The following RFX4 variants were observed in gnomAD, a reference collection of about 807,000 sequenced individuals.
RFX4 encodes transcription factor RFX4.
RFX4 carries 10 observed loss-of-function variants against 95.0 expected under a neutral mutation model. That is an observed-to-expected ratio of 0.11 (90% confidence interval 0.06 to 0.18). RFX4 has a LOEUF of 0.18. RFX4 is among the 10% of genes least tolerant of loss of function. RFX4 has a pLI of 1.00. For missense variants in RFX4, 640 were observed against 922.0 expected, an observed-to-expected ratio of 0.69 and a Z score of 3.96; for synonymous variants, 321 against 340.7, an observed-to-expected ratio of 0.94 and a Z score of 0.64.
intron 4 of RFX4, among the ~76,000 whole-genome samples, chr12:106,655,524 G>A (rs893803307): frequency 6.6e-6 from 1 of 152,182 alleles, no homozygotes; most frequent in Non-Finnish European, 1.5e-5. Context: ...CAGCAGGTGG[G>A]AGAAGGGAGA....
At chr12:106,673,302 C>T (rs1413460901) in intron 4 of RFX4, among the ~76,000 whole-genome samples, 1 of 152,170 alleles carries the variant, frequency 6.6e-6, no homozygotes, top group Non-Finnish European at 1.5e-5. Context: ...GGCAGCTGGT[C>T]ACTCCTGGCT....
In RFX4 at chr12:106,608,645, A is replaced by G. The variant is rs551870096; in HGVS notation, c.44-152A>G. The stretch of plus-strand genomic sequence containing the variant: ...CACATGGAACTCCATGCAAAATCCC[A>G]TTCCAATCTGGGCAGATGCCACATG... On this transcript the variant is annotated intron_variant, in intron 1 of 17. Coordinates refer to ENST00000392842, the MANE Select transcript of RFX4 (RefSeq NM_213594.3). 2.9e-5 allele frequency: 22 copies of G among 746,060 alleles called. No homozygotes were observed. The South Asian group carries it at 4.0e-4, about 13-fold the overall frequency. 46.2% of individuals were successfully genotyped at this position (746,060 alleles called of 1,614,324 possible).
chr12:106,584,787 TGATTCCTAGA>T (rs559261411), intron 1 of RFX4, among the ~76,000 whole-genome samples: 342 of 152,348 alleles, frequency 2.2e-3, no homozygotes, highest in African/African-American at 8.0e-3. Flanking sequence ...TGTCGATCTC[TGATTCCTAGA>T]GTCAAGGCCC....
intron 4 of RFX4, among the ~76,000 whole-genome samples, chr12:106,655,493 C>T (rs1444303117): frequency 1.3e-5 from 2 of 152,314 alleles, no homozygotes; most frequent in East Asian, 3.9e-4. Flanking sequence ...CTCAGTATGG[C>T]TCTGCTATGG....
chr12:106,648,197 C>A (rs914123105), intron 3 of RFX4, among the ~76,000 whole-genome samples: 1 of 152,142 alleles, frequency 6.6e-6, no homozygotes, highest in African/African-American at 2.4e-5. Context: ...GAACATAGTT[C>A]CATGGAAGAG....
intron 4 of RFX4, among the ~76,000 whole-genome samples, chr12:106,676,162 G>A (rs542891342): frequency 2.0e-5 from 3 of 152,288 alleles, no homozygotes; most frequent in Admixed American, 6.5e-5. Context: ...TGGGAAAGGC[G>A]AGCTCTGGTG....
intron 6 of RFX4, among the ~76,000 whole-genome samples, chr12:106,688,507 G>A (rs919957211): frequency 1.3e-5 from 2 of 152,142 alleles, no homozygotes; most frequent in African/African-American, 4.8e-5. Flanking sequence ...AGAAAGCTTA[G>A]AGTCAACCAG....
intron 13 of RFX4, among the ~76,000 whole-genome samples, chr12:106,729,837 C>T (rs762784194): frequency 9.9e-5 from 15 of 152,124 alleles, no homozygotes; most frequent in South Asian, 2.1e-4. Context: ...TGATCAACAG[C>T]GCATGTAATT....
At chr12:106,640,269 G>A (rs1409322626) in intron 3 of RFX4, among the ~76,000 whole-genome samples, 1 of 152,232 alleles carries the variant, frequency 6.6e-6, no homozygotes, top group East Asian at 1.9e-4. Flanking sequence ...GAGGCAGGAA[G>A]TGGCTGGGTC....
intron 2 of RFX4, among the ~76,000 whole-genome samples, chr12:106,624,471 C>T (rs937350785): frequency 2.6e-5 from 4 of 152,160 alleles, no homozygotes; most frequent in African/African-American, 7.2e-5. Context: ...ACTACAGGAG[C>T]GCACCACCAC....
intron 7 of RFX4, 130 bp from the exon 8 acceptor site, chr12:106,696,153 G>C: frequency 9.5e-7 from 1 of 1,052,156 alleles, no homozygotes; most frequent in South Asian, 1.5e-5. Context: ...GCAGGCTGGG[G>C]GTGACTTCTG....
intron 8 of RFX4, among the ~76,000 whole-genome samples, chr12:106,700,399 T>TATAATATACC (rs1592955574): frequency 1.3e-5 from 2 of 149,750 alleles, no homozygotes; most frequent in African/African-American, 4.9e-5. Flanking sequence ...TATATCTTCT[T>TATAATATACC]TTTCTTTTTT....
Position 106,761,276 on chromosome 12 carries a change from C to T in RFX4, c.2015C>T (p.Thr672Ile). 6.2e-7 allele frequency: 1 copy of T among 1,614,184 alleles called. No homozygotes were observed. The highest frequency in any genetic ancestry group is 8.5e-7 in the Non-Finnish European group (1 of 1,180,028). Residue 672 changes from threonine (T) to isoleucine (I), a missense_variant, in exon 18 of 18, where the codon ACT becomes ATT. Around this residue, in one of 7 missense-constraint regions of RFX4, gnomAD observed 300 missense variants for 346.8 expected, o/e 0.87. Transcript: ENST00000392842. ...STPRLHPTPV[T>I]PRWPEVPSAN... Reference sequence around the variant, plus strand: ...CCCAGACTGCATCCTACCCCAGTCACTCCCCGCTGGCCAGAGGTGCCCTCA... The same window carrying T: ...CCCAGACTGCATCCTACCCCAGTCATTCCCCGCTGGCCAGAGGTGCCCTCA...
At chr12:106,745,548 A>G (rs1376502226) in intron 15 of RFX4, among the ~76,000 whole-genome samples, 2 of 152,206 alleles carry the variant, frequency 1.3e-5, no homozygotes, top group Non-Finnish European at 2.9e-5. Context: ...GCGCTGATCC[A>G]CCAACTCTGC....
chr12:106,755,554 G>C (rs1425918029), intron 17 of RFX4, among the ~76,000 whole-genome samples: 5 of 152,194 alleles, frequency 3.3e-5, no homozygotes, highest in African/African-American at 1.2e-4. Context: ...TCGGAGAGTG[G>C]AAGGTGAATT....
intron 2 of RFX4, among the ~76,000 whole-genome samples, chr12:106,639,036 T>A (rs556610117): frequency 6.6e-6 from 1 of 152,316 alleles, no homozygotes; most frequent in East Asian, 1.9e-4. Flanking sequence ...TAGGAAAATA[T>A]TAAGTGGATG....
At chr12:106,658,447 C>T (rs1272816632) in intron 4 of RFX4, among the ~76,000 whole-genome samples, 3 of 152,174 alleles carry the variant, frequency 2.0e-5, no homozygotes, top group Non-Finnish European at 4.4e-5. Context: ...ATAATTACAG[C>T]TCATTCTCAG....
intron 1 of RFX4, among the ~76,000 whole-genome samples, chr12:106,585,555 C>A (rs958070757): frequency 1.3e-5 from 2 of 152,172 alleles, no homozygotes; most frequent in Admixed American, 6.5e-5. Flanking sequence ...AGTCCAGAAG[C>A]CTTCCCTCAC....
At chr12:106,714,522 C>A (rs2042253361) in intron 10 of RFX4, among the ~76,000 whole-genome samples, 1 of 152,136 alleles carries the variant, frequency 6.6e-6, no homozygotes, top group Non-Finnish European at 1.5e-5. Flanking sequence ...CATTAGGAGA[C>A]TTGACAATGT....
Sources: gnomAD v4.1 joint callset for allele counts (sites outside exome capture counted in the v4.1 genomes callset) on GRCh38, gnomAD v4.1.1 for gene constraint, gnomAD v4.1.1 regional missense constraint, MANE v1.5 for transcripts, NCBI Gene and HGNC (gene_info 2026-07-23, HGNC 2026-07-21) for gene names.